Variants in SORCS1 observed in about 807,000 individuals in gnomAD.
SORCS1 encodes VPS10 domain-containing receptor SorCS1.
A neutral mutation model predicts 146.1 loss-of-function variants in SORCS1; 60 were observed. The ratio of observed to expected loss-of-function variants is 0.41; its 90% CI spans 0.33 to 0.51. SORCS1 has a LOEUF of 0.51. Among genes scored for constraint, SORCS1 ranks in the 20% least tolerant of loss-of-function variants. The pLI is 0.21. For missense variants in SORCS1, 1,352 were observed against 1,487.6 expected (o/e 0.91, Z 1.50); for synonymous variants, 637 against 584.0 (o/e 1.09, Z -1.31).
At chr10:106,706,835 C>T (rs1054403435) in intron 7 of SORCS1, among the ~76,000 whole-genome samples, 3 of 152,188 alleles carry the variant, frequency 2.0e-5, no homozygotes, top group African/African-American at 4.8e-5. Context: ...CCAAACTGAA[C>T]CTACTGGACA....
chr10:107,089,479 C>T (rs547005774), intron 1 of SORCS1, among the ~76,000 whole-genome samples: 2 of 152,262 alleles, frequency 1.3e-5, no homozygotes, highest in South Asian at 4.1e-4. Context: ...GAAATTAAAA[C>T]ATATTTTCCA....
At chr10:106,739,672 G>T (rs1018885813) in intron 5 of SORCS1, among the ~76,000 whole-genome samples, 8 of 151,462 alleles carry the variant, frequency 5.3e-5, no homozygotes, top group Admixed American at 2.0e-4. Flanking sequence ...TATATATATA[G>T]CTGGGTGTGG....
intron 5 of SORCS1, among the ~76,000 whole-genome samples, chr10:106,750,903 T>TA (rs1858150517): frequency 2.1e-5 from 3 of 140,520 alleles, no homozygotes; most frequent in African/African-American, 5.3e-5. Flanking sequence ...ACTAAAAATA[T>TA]AAAAAAATCA....
At chr10:107,127,329 T>C (rs892383388) in intron 1 of SORCS1, among the ~76,000 whole-genome samples, 5 of 152,102 alleles carry the variant, frequency 3.3e-5, no homozygotes, top group African/African-American at 1.2e-4. Flanking sequence ...AGCACCATAG[T>C]TGAAATTCCA....
intron 18 of SORCS1, among the ~76,000 whole-genome samples, chr10:106,629,945 T>A (rs1251631183): frequency 6.6e-6 from 1 of 152,168 alleles, no homozygotes; most frequent in East Asian, 1.9e-4. Flanking sequence ...TCGGGGGGGC[T>A]GAGGCGGGAG....
intron 1 of SORCS1, among the ~76,000 whole-genome samples, chr10:106,976,016 C>T (rs558138513): frequency 5.9e-5 from 9 of 151,630 alleles, no homozygotes; most frequent in South Asian, 2.1e-4. Flanking sequence ...GCAGTGGTGG[C>T]GCACCTGTAA....
chr10:107,014,015 G>A lies in SORCS1; in HGVS notation c.559-57435C>T, dbSNP rs1221752057. On this transcript the variant is annotated intron_variant, in intron 1 of 25. Transcript: ENST00000263054. ...GCTCATGCCTGTAATCCCAGGACTCGAGGCTGAGGCAGGCAGATCACAAGG... is the reference window on the plus strand; with the variant it reads ...GCTCATGCCTGTAATCCCAGGACTCAAGGCTGAGGCAGGCAGATCACAAGG... Among the ~76,000 whole-genome samples, 14 of 152,042 alleles carry A rather than the reference G, an allele frequency of 9.2e-5. No individual in the cohort carries two copies. In the East Asian group the frequency reaches 1.5e-3, roughly 17 times the overall value.
chr10:106,715,736 A>G (rs1449607732), intron 6 of SORCS1, among the ~76,000 whole-genome samples: 2 of 152,132 alleles, frequency 1.3e-5, no homozygotes, highest in African/African-American at 4.8e-5. Context: ...TGCTAAGGAT[A>G]TTTCTACCTG....
At chr10:107,127,792 C>T (rs147615274) in intron 1 of SORCS1, among the ~76,000 whole-genome samples, 32 of 152,306 alleles carry the variant, frequency 2.1e-4, no homozygotes, top group Non-Finnish European at 7.3e-5. Flanking sequence ...ACCTCCACCT[C>T]TGAATGTGAG....
At chr10:106,878,207 A>C (rs1950666013) in intron 2 of SORCS1, among the ~76,000 whole-genome samples, 1 of 146,880 alleles carries the variant, frequency 6.8e-6, no homozygotes, top group Admixed American at 6.8e-5. Context: ...AAATTCCCTC[A>C]CCTTGCCACT....
In SORCS1 at chr10:106,891,504, C is replaced by CTTTTTTTTTTTTTTTTTTT. The variant is rs760812204; in HGVS notation, c.627-61832_627-61831insAAAAAAAAAAAAAAAAAAA. Among the ~76,000 whole-genome samples, 189 of 97,176 alleles carry CTTTTTTTTTTTTTTTTTTT rather than the reference C, an allele frequency of 1.9e-3. 25 individuals carry two copies. The highest frequency in any genetic ancestry group is 5.2e-3 in the African/African-American group (144 of 27,950). 63.8% of individuals were successfully genotyped at this position (97,176 alleles called of 152,430 possible). ...GTAATCAGAAGTTTCAATGGGAATT[C>CTTTTTTTTTTTTTTTTTTT]TTTTTTTTTTTTTGAGAAAAGACCT... On this transcript the variant is annotated intron_variant, in intron 2 of 25. Transcript: ENST00000263054.
intron 4 of SORCS1, among the ~76,000 whole-genome samples, chr10:106,772,249 C>G (rs371303736): frequency 6.6e-6 from 1 of 152,100 alleles, no homozygotes; most frequent in Admixed American, 6.5e-5. Context: ...TCTCCCCTGG[C>G]CCTCAGACAT....
At chr10:106,687,147 T>C (rs1419528966) in intron 10 of SORCS1, among the ~76,000 whole-genome samples, 1 of 152,186 alleles carries the variant, frequency 6.6e-6, no homozygotes, top group African/African-American at 2.4e-5. Flanking sequence ...ATTCACTCAT[T>C]ACTTATCTGT....
At chr10:106,796,397 A>T (rs1021505535) in intron 3 of SORCS1, among the ~76,000 whole-genome samples, 2 of 151,968 alleles carry the variant, frequency 1.3e-5, no homozygotes, top group Non-Finnish European at 2.9e-5. Context: ...GATCTTCTTG[A>T]CATACAATGT....
chr10:106,767,440 T>A (rs1859658590), intron 4 of SORCS1, among the ~76,000 whole-genome samples: 1 of 152,102 alleles, frequency 6.6e-6, no homozygotes, highest in African/African-American at 2.4e-5. Flanking sequence ...TGGAGGTATA[T>A]AGGAAAATGA....
At chr10:106,853,159 C>T (rs1185599659) in intron 2 of SORCS1, among the ~76,000 whole-genome samples, 1 of 152,112 alleles carries the variant, frequency 6.6e-6, no homozygotes, top group Non-Finnish European at 1.5e-5. Flanking sequence ...TAGTTACAAG[C>T]CTATTCAGAT....
chr10:106,910,231 T>A (rs927448315), intron 2 of SORCS1, among the ~76,000 whole-genome samples: 5 of 152,010 alleles, frequency 3.3e-5, no homozygotes, highest in African/African-American at 1.2e-4. Flanking sequence ...TTCCTACTGA[T>A]GTGAAATTTG....
intron 19 of SORCS1, among the ~76,000 whole-genome samples, 191 bp downstream of exon 19, chr10:106,629,011 G>C (rs1405806041): frequency 6.6e-6 from 1 of 152,056 alleles, no homozygotes; most frequent in Non-Finnish European, 1.5e-5. Flanking sequence ...GAGAGTCCAG[G>C]ATTAATCAAA....
chr10:107,097,394 A>C (rs1964611905), intron 1 of SORCS1, among the ~76,000 whole-genome samples: 1 of 152,120 alleles, frequency 6.6e-6, no homozygotes, highest in Non-Finnish European at 1.5e-5. Flanking sequence ...GATCATTTCC[A>C]TTTCTTTCCA....
Sources: allele counts gnomAD v4.1 joint callset (sites outside exome capture counted in the v4.1 genomes callset), GRCh38; gene constraint gnomAD v4.1.1; transcripts MANE v1.5; gene names NCBI Gene and HGNC (gene_info 2026-07-23, HGNC 2026-07-21).